SCARF2: variants seen among roughly 807,000 people sequenced by gnomAD.
SCARF2 encodes the protein scavenger receptor expressed by endothelial cells 2 protein.
A neutral mutation model predicts 73.4 loss-of-function variants in SCARF2; 39 were observed. The observed-to-expected ratio is 0.53, with a 90% confidence interval of 0.41 to 0.69. The LOEUF (loss-of-function observed/expected upper bound fraction) is 0.69. SCARF2 is among the 30% of genes least tolerant of loss of function. The pLI is 0.00. For missense variants in SCARF2, 1,148 were observed against 1,303.5 expected (o/e 0.88, Z 1.84); for synonymous variants, 605 against 590.0 (o/e 1.03, Z -0.37).
intron 9 of SCARF2, among the ~76,000 whole-genome samples, chr22:20,428,826 C>A (rs1372625675): frequency 6.6e-6 from 1 of 152,090 alleles, no homozygotes; most frequent in African/African-American, 2.4e-5. Context: ...GGGATGTAGG[C>A]AGGAGGGTGG....
In SCARF2 at chr22:20,429,923, C is replaced by T; in HGVS notation, c.1203-90G>A. On this transcript the variant is annotated intron_variant, in intron 6 of 10. Transcript: ENST00000622235. The surrounding 1 kb of genome is among the most constrained non-coding windows in gnomAD (Gnocchi z 5.2). ...CTCACCCGCGGCCAGGGCCCAGGGT[C>T]CAGGGTCCCAGAACCGGGCTCTCTC... 7.7e-7 allele frequency: 1 copy of T among 1,305,456 alleles called. No homozygotes were observed. The highest frequency in any genetic ancestry group is 1.1e-6 in the Non-Finnish European group (1 of 936,942). The allele number at this position is 1,305,456 out of a possible 1,614,324, so 80.9% of individuals were successfully genotyped here. A position where few individuals can be genotyped will look rare whatever the true frequency, so the allele number is the denominator to read the frequency against.
chr22:20,432,045 T>TGCGGAGGAGC, intron 1 of SCARF2, 57 bp from the exon 2 acceptor site: 2 of 1,535,202 alleles, frequency 1.3e-6, no homozygotes, highest in African/African-American at 1.4e-5. Flanking sequence ...CCCCATCTGC[T>TGCGGAGGAGC]CCGGGCTCCT....
At chr22:20,433,019 T>C (rs2052664741) in intron 1 of SCARF2, among the ~76,000 whole-genome samples, 1 of 152,158 alleles carries the variant, frequency 6.6e-6, no homozygotes, top group Non-Finnish European at 1.5e-5. Context: ...GCCCGGCCTG[T>C]TTATGCTGAT....
At chr22:20,437,490 G>T in intron 1 of SCARF2, 92 bp downstream of exon 1, 3 of 1,356,096 alleles carry the variant, frequency 2.2e-6, no homozygotes, top group South Asian at 2.6e-5. Flanking sequence ...GGCGTAGGAA[G>T]GTTCCGGTAG....
rs1470444297 is a variant in SCARF2, at chr22:20,425,697, G to T, written c.2279C>A (p.Pro760Gln). The T allele has an allele frequency of 8.1e-7, 1 of 1,232,646 alleles. No individual in the cohort carries two copies. Among genetic ancestry groups the T allele is most frequent in the Middle Eastern group, 3.1e-4 (1 of 3,230 alleles). 76.4% of individuals were successfully genotyped at this position (1,232,646 alleles called of 1,614,324 possible). A position where few individuals can be genotyped will look rare whatever the true frequency, so the allele number is the denominator to read the frequency against. ...GGAGGCAGCCTCGGGCGCGCTTCGCGGGGGACCGCCGGCGTCCGTGGGCTC... is the reference window on the plus strand; with the variant it reads ...GGAGGCAGCCTCGGGCGCGCTTCGCTGGGGACCGCCGGCGTCCGTGGGCTC... ...LLEPTDAGGPPRSAPEAASML... is the reference protein window; with the variant it reads ...LLEPTDAGGPQRSAPEAASML... The change falls in exon 11 of 11, where the codon CCG becomes CAG. Residue 760 changes from proline (P) to glutamine (Q), a missense_variant. Transcript: ENST00000622235. This position sits in a 1 kb window ranked among gnomAD's most constrained non-coding sequence, Gnocchi z 4.6.
At position 20,426,101 on chromosome 22, in the gene SCARF2, G is replaced by C; in HGVS notation, c.1875C>G (p.Arg625=). 1 of 1,489,790 alleles carries C rather than the reference G, an allele frequency of 6.7e-7. No homozygotes were observed. The highest frequency in any genetic ancestry group is 8.9e-7 in the Non-Finnish European group (1 of 1,129,778). 92.3% of individuals were successfully genotyped at this position (1,489,790 alleles called of 1,614,324 possible). A position where few individuals can be genotyped will look rare whatever the true frequency, so the allele number is the denominator to read the frequency against. ...CCGGCCGGGCCTCGCGTCGGGCCACGCGCGCGTACAGAGCCCCTCCGGGCC... is the reference window on the plus strand; with the variant it reads ...CCGGCCGGGCCTCGCGTCGGGCCACCCGCGCGTACAGAGCCCCTCCGGGCC... The part of the protein sequence containing the change: ...VEGPGGALYA[R]VARREARPAR... Residue 625 remains arginine (R), a synonymous_variant, in exon 11 of 11, where the codon CGC becomes CGG. Transcript: ENST00000622235.
In SCARF2 at chr22:20,429,375, C is replaced by A. The variant is rs755163625; in HGVS notation, c.1425-35G>T. On this transcript the variant is annotated intron_variant, in intron 8 of 10. Coordinates refer to ENST00000622235, the MANE Select transcript of SCARF2 (RefSeq NM_182895.5). This position sits in a 1 kb window ranked among gnomAD's most constrained non-coding sequence, Gnocchi z 5.2. The stretch of plus-strand genomic sequence containing the variant: ...CGGGGTCTGAGCGGAGGGGCGGGGC[C>A]GGGGCGGGGCCCAGGGGCGATTAGA... 8.3e-5 allele frequency: 29 copies of A among 349,406 alleles called. No individual in the cohort carries two copies. Among genetic ancestry groups the A allele is most frequent in the African/African-American group, 4.2e-4 (13 of 30,762 alleles). The allele number at this position is 349,406 out of a possible 1,614,324, so 21.6% of individuals were successfully genotyped here. A position where few individuals can be genotyped will look rare whatever the true frequency, so the allele number is the denominator to read the frequency against.
chr22:20,432,049 G>A (rs913150715), intron 1 of SCARF2, 61 bp from the exon 2 acceptor site: 1 of 1,539,082 alleles, frequency 6.5e-7, no homozygotes, highest in African/African-American at 1.4e-5. Flanking sequence ...ATCTGCTCCG[G>A]GCTCCTCCGC....
intron 1 of SCARF2, among the ~76,000 whole-genome samples, chr22:20,434,570 C>T (rs903255943): frequency 3.3e-5 from 5 of 152,152 alleles, no homozygotes; most frequent in Non-Finnish European, 4.4e-5. Context: ...CAGAAAAGGC[C>T]GGGTGGTGGT....
intron 6 of SCARF2, 119 bp downstream of exon 6, chr22:20,430,310 G>T: frequency 7.9e-7 from 1 of 1,259,364 alleles, no homozygotes; most frequent in East Asian, 2.6e-5. Flanking sequence ...CCTAGCTGGG[G>T]TAAGGGACCA....
intron 1 of SCARF2, among the ~76,000 whole-genome samples, chr22:20,432,835 A>G (rs1455144850): frequency 1.3e-5 from 2 of 152,168 alleles, no homozygotes; most frequent in African/African-American, 4.8e-5. Context: ...TCCTGCCTCA[A>G]ACCTCTCAAG....
chr22:20,435,975 G>T (rs747706286), intron 1 of SCARF2, among the ~76,000 whole-genome samples: 10 of 152,264 alleles, frequency 6.6e-5, no homozygotes, highest in Non-Finnish European at 1.3e-4. Flanking sequence ...GGACAACAAA[G>T]ACATGACCCA....
Position 20,431,151 on chromosome 22 carries a change from C to A in SCARF2, c.721G>T (p.Asp241Tyr). Residue 241 changes from aspartate (D) to tyrosine (Y), a missense_variant, in exon 4 of 11, where the codon GAT becomes TAT. Physicochemically the swap from Asp to Tyr is radical, Grantham distance 160. Transcript: ENST00000622235. The part of the protein sequence containing the change: ...CRERTFGARC[D>Y]RYCQCFRGRC... ...CCGCGGAAGCACTGGCAGTAGCGAT[C>A]GCAGCGCGCGCCGAACGTACGCTCG... The A allele has an allele frequency of 6.4e-7, 1 of 1,567,554 alleles. No homozygotes were observed. Among genetic ancestry groups the A allele is most frequent in the Non-Finnish European group, 8.6e-7 (1 of 1,165,666 alleles).
chr22:20,434,751 G>A (rs1569112117), intron 1 of SCARF2, among the ~76,000 whole-genome samples: 1 of 152,208 alleles, frequency 6.6e-6, no homozygotes, highest in Non-Finnish European at 1.5e-5. Flanking sequence ...CCCTCGTAGA[G>A]CATTAGTTCT....
intron 9 of SCARF2, among the ~76,000 whole-genome samples, chr22:20,428,126 G>A (rs747085002): frequency 6.6e-6 from 1 of 152,130 alleles, no homozygotes; most frequent in Non-Finnish European, 1.5e-5. Context: ...TATGTCCCCA[G>A]ATGCCATGCT....
intron 10 of SCARF2, 46 bp from the exon 11 acceptor site, chr22:20,426,328 TA>T (rs1450183740): frequency 5.2e-6 from 8 of 1,525,402 alleles, no homozygotes; most frequent in Non-Finnish European, 7.0e-6. Flanking sequence ...GGAATACCTT[TA>T]GGGGCTCCAA....
intron 1 of SCARF2, 107 bp downstream of exon 1, chr22:20,437,475 C>T: frequency 1.6e-6 from 2 of 1,246,680 alleles, no homozygotes; most frequent in Non-Finnish European, 2.2e-6. Flanking sequence ...AAGGGGCCCA[C>T]ACTTGGCGTA....
At position 20,425,648 on chromosome 22, in the gene SCARF2, G is replaced by C; in HGVS notation, c.2328C>G (p.Gly776=). ...AASMLAAELR[G]KTRSLGRAEV... Reference sequence around the variant, plus strand: ...CGGCGCGGCCCAGGCTGCGAGTCTTGCCGCGCAGCTCAGCGGCCAACATGG... The same window carrying C: ...CGGCGCGGCCCAGGCTGCGAGTCTTCCCGCGCAGCTCAGCGGCCAACATGG... Residue 776 remains glycine (G), a synonymous_variant, in exon 11 of 11, where the codon GGC becomes GGG. Coordinates refer to ENST00000622235, the MANE Select transcript of SCARF2 (RefSeq NM_182895.5). This position sits in a 1 kb window ranked among gnomAD's most constrained non-coding sequence, Gnocchi z 4.6. 1 of 1,286,786 alleles carries C rather than the reference G, an allele frequency of 7.8e-7. No homozygotes were observed. The highest frequency in any genetic ancestry group is 9.8e-7 in the Non-Finnish European group (1 of 1,019,162). 79.7% of individuals were successfully genotyped at this position (1,286,786 alleles called of 1,614,324 possible).
rs2052578197 is a variant in SCARF2 at position 20,426,295 on chromosome 22, G to GAGCA, written c.1694-17_1694-14dup. On this transcript the variant is annotated splice_polypyrimidine_tract_variant and intron_variant, in intron 10 of 10. Coordinates refer to ENST00000622235, the MANE Select transcript of SCARF2 (RefSeq NM_182895.5). Reference sequence around the variant, plus strand: ...TCCGCTGGTGCCTCTGGCAAGGGAAGAGCAGGGCGGTCACAGCCTTCAGGA... The same window carrying GAGCA: ...TCCGCTGGTGCCTCTGGCAAGGGAAGAGCAAGCAGGGCGGTCACAGCCTTCAGGA... 12 of 1,532,890 alleles carry GAGCA rather than the reference G, an allele frequency of 7.8e-6. No individual in the cohort carries two copies. The East Asian group carries it at 2.9e-4, about 37-fold the overall frequency. The allele number at this position is 1,532,890 out of a possible 1,614,324, so 95.0% of individuals were successfully genotyped here.
Sources: gnomAD v4.1 joint callset for allele counts (sites outside exome capture counted in the v4.1 genomes callset) on GRCh38, gnomAD v4.1.1 for gene constraint, Gnocchi (gnomAD v3.1) non-coding constraint, MANE v1.5 for transcripts, NCBI Gene and HGNC (gene_info 2026-07-23, HGNC 2026-07-21) for gene names.